The following HORMAD2 variants were observed in gnomAD, a reference collection of about 807,000 sequenced individuals.
HORMAD2 encodes HORMA domain-containing protein 2.
A neutral mutation model predicts 38.8 loss-of-function variants in HORMAD2; 45 were observed. That is an observed-to-expected ratio of 1.16 (90% confidence interval 0.91 to 1.49). The LOEUF is 1.49. HORMAD2 is among the 40% of genes most tolerant of loss of function. The probability of loss-of-function intolerance (pLI) is 0.00; values close to 1 mark genes in which losing one functional copy is unlikely to be tolerated. For synonymous variants in HORMAD2, 126 were observed against 122.8 expected, an observed-to-expected ratio of 1.03 and a Z score of -0.17; for missense variants, 338 against 367.0, an observed-to-expected ratio of 0.92 and a Z score of 0.65.
At chr22:30,128,947 G>C (rs1193134141) in intron 10 of HORMAD2, among the ~76,000 whole-genome samples, 1 of 152,150 alleles carries the variant, frequency 6.6e-6, no homozygotes, top group Non-Finnish European at 1.5e-5. Flanking sequence ...GGGCGCGGTG[G>C]CTCACGCCTG....
chr22:30,200,820 G>T, the HORMAD2 span, among the ~76,000 whole-genome samples: 1 of 151,480 alleles, frequency 6.6e-6, no homozygotes. Context: ...CTCGATCTTG[G>T]CTCACTGCAA....
At position 30,121,983 on chromosome 22, in the gene HORMAD2, A is replaced by G; in HGVS notation, c.588A>G (p.Gln196=). The change falls in exon 10 of 11, where the codon CAA becomes CAG. Residue 196 remains glutamine (Q), a synonymous_variant. Coordinates refer to ENST00000336726, the MANE Select transcript of HORMAD2 (RefSeq NM_152510.4). ...YYNAVTPHDY[Q]PLGFKEGVNS... ...TCGCAGTGACCCCACATGATTACCA[A>G]CCCCTCGGTTTTAAAGAAGGGGTAA... The G allele has an allele frequency of 6.2e-7, 1 of 1,611,272 alleles. No individual in the cohort carries two copies. Among genetic ancestry groups the G allele is most frequent in the South Asian group, 1.1e-5 (1 of 90,684 alleles).
intron 7 of HORMAD2, among the ~76,000 whole-genome samples, chr22:30,112,858 C>T (rs1317513763): frequency 1.3e-5 from 2 of 151,162 alleles, no homozygotes; most frequent in Non-Finnish European, 3.0e-5. Context: ...ACTTTTTTTC[C>T]GAGTCATATA....
At chr22:30,193,785 T>C in the HORMAD2 span, among the ~76,000 whole-genome samples, 6 of 152,220 alleles carry the variant, frequency 3.9e-5, no homozygotes, top group Non-Finnish European at 4.4e-5. Context: ...TTTCCCAGCT[T>C]CCCTTGCAGT....
At chr22:30,111,915 C>CA in intron 6 of HORMAD2, 99 bp downstream of exon 6, 2 of 664,910 alleles carry the variant, frequency 3.0e-6, no homozygotes, top group Non-Finnish European at 4.7e-6. Context: ...TCCTCCCTGA[C>CA]TTTTTTTTTT....
chr22:30,182,427 C>CT, the HORMAD2 span, among the ~76,000 whole-genome samples: 4 of 152,188 alleles, frequency 2.6e-5, no homozygotes, highest in Admixed American at 1.3e-4. Context: ...TGACCCTGAC[C>CT]TTGTTTTTTC....
chr22:30,165,860 A>ATT (rs1389477946), intron 10 of HORMAD2, among the ~76,000 whole-genome samples: 3 of 151,908 alleles, frequency 2.0e-5, no homozygotes, highest in African/African-American at 7.2e-5. Context: ...TTGTGATATA[A>ATT]TTTTTAATTA....
chr22:30,092,713 C>T (rs1432832246), intron 1 of HORMAD2, among the ~76,000 whole-genome samples: 3 of 152,072 alleles, frequency 2.0e-5, no homozygotes, highest in African/African-American at 4.8e-5. Flanking sequence ...TGTGGATATG[C>T]AGTTTCTCCA....
intron 3 of HORMAD2, among the ~76,000 whole-genome samples, 161 bp downstream of exon 3, chr22:30,099,154 T>C (rs1351323960): frequency 6.6e-6 from 1 of 152,236 alleles, no homozygotes; most frequent in African/African-American, 2.4e-5. Flanking sequence ...TTACTGTGTG[T>C]AGTGATTTTA....
chr22:30,104,449 TTTACAC>T lies in HORMAD2; in HGVS notation c.294+20_294+25del, dbSNP rs751634894. ...TGGAAAAGAGATACGTAAGAATGTT[TTTACAC>T]TTACACTGGAATCAAAGGCTTGTCT... is the stretch of plus-strand genomic sequence containing the variant. On this transcript the variant is annotated intron_variant, in intron 5 of 10. Coordinates refer to ENST00000336726, the MANE Select transcript of HORMAD2 (RefSeq NM_152510.4). 3.1e-6 allele frequency: 5 copies of T among 1,594,886 alleles called. No individual in the cohort carries two copies. The South Asian group carries it at 5.6e-5, about 18-fold the overall frequency.
rs538662797 is a variant in HORMAD2, at chr22:30,150,031, C to T, written c.820-26032C>T. 5.3e-5 allele frequency among the ~76,000 whole-genome samples: 8 copies of T among 151,168 alleles called. No individual in the cohort carries two copies. The East Asian group carries it at 7.8e-4, about 15-fold the overall frequency. ...GGTCTATTTTTATCCTTTTTTTTTGCGGTAGGCACTCAGTGTCTTTTAATC... is the reference window on the plus strand; with the variant it reads ...GGTCTATTTTTATCCTTTTTTTTTGTGGTAGGCACTCAGTGTCTTTTAATC... On this transcript the variant is annotated intron_variant, in intron 10 of 10. Transcript: ENST00000336726.
At chr22:30,148,062 C>A (rs761395682) in intron 10 of HORMAD2, among the ~76,000 whole-genome samples, 4 of 152,158 alleles carry the variant, frequency 2.6e-5, no homozygotes, top group Non-Finnish European at 5.9e-5. Flanking sequence ...CAGCTTTATT[C>A]ATAATAGTTC....
chr22:30,205,131 C>T, the HORMAD2 span, among the ~76,000 whole-genome samples: 3 of 152,136 alleles, frequency 2.0e-5, no homozygotes, highest in East Asian at 1.9e-4. Flanking sequence ...TCAGACACTG[C>T]GCTGAGTTCT....
At chr22:30,189,082 G>A in the HORMAD2 span, among the ~76,000 whole-genome samples, 3 of 149,542 alleles carry the variant, frequency 2.0e-5, no homozygotes, top group Non-Finnish European at 4.4e-5. Context: ...ATGCCTGAGT[G>A]ACACAGCAAG....
chr22:30,183,350 C>T, the HORMAD2 span, among the ~76,000 whole-genome samples: 86 of 152,258 alleles, frequency 5.6e-4, no homozygotes, highest in African/African-American at 1.9e-3. Flanking sequence ...GTCCCTTTGC[C>T]GCCAGCCCAC....
At chr22:30,094,110 T>G in intron 2 of HORMAD2, 107 bp downstream of exon 2, 1 of 755,826 alleles carries the variant, frequency 1.3e-6, no homozygotes, top group Non-Finnish European at 2.2e-6. Context: ...TTTTATCAGT[T>G]AATTGGCACA....
At chr22:30,100,619 A>G (rs1239039462) in intron 3 of HORMAD2, among the ~76,000 whole-genome samples, 1 of 152,248 alleles carries the variant, frequency 6.6e-6, no homozygotes, top group Non-Finnish European at 1.5e-5. Context: ...TCTGCACAGC[A>G]AAAGAAATTG....
intron 10 of HORMAD2, among the ~76,000 whole-genome samples, chr22:30,134,069 G>A (rs1455247854): frequency 1.3e-5 from 2 of 152,100 alleles, no homozygotes; most frequent in East Asian, 3.9e-4. Context: ...TTTAAACAAG[G>A]CTACATGAAG....
At chr22:30,206,123 C>A in the HORMAD2 span, among the ~76,000 whole-genome samples, 85 of 152,204 alleles carry the variant, frequency 5.6e-4, no homozygotes, top group African/African-American at 1.0e-3. Context: ...TCTCACCCCC[C>A]GCCTCCATTT....
Sources: gnomAD v4.1 joint callset for allele counts (sites outside exome capture counted in the v4.1 genomes callset) on GRCh38, gnomAD v4.1.1 for gene constraint, MANE v1.5 for transcripts, NCBI Gene and HGNC (gene_info 2026-07-23, HGNC 2026-07-21) for gene names.